The following CNTNAP2 variants were observed in gnomAD, a reference collection of about 807,000 sequenced individuals.
CNTNAP2 encodes the protein contactin associated protein 2.
A neutral mutation model predicts 155.2 loss-of-function variants in CNTNAP2; 98 were observed. That is an observed-to-expected ratio of 0.63 (90% confidence interval 0.54 to 0.75). The LOEUF is 0.75. CNTNAP2 is among the 30% of genes least tolerant of loss of function. The pLI, the probability that CNTNAP2 is intolerant of heterozygous loss-of-function variation, is 0.00. For synonymous variants in CNTNAP2, 651 were observed against 631.2 expected, an observed-to-expected ratio of 1.03 and a Z score of -0.47; for missense variants, 1,727 against 1,688.1, an observed-to-expected ratio of 1.02 and a Z score of -0.40.
chr7:146,775,054 A>C (rs1045019879), intron 2 of CNTNAP2, among the ~76,000 whole-genome samples: 2 of 152,202 alleles, frequency 1.3e-5, no homozygotes, highest in Non-Finnish European at 2.9e-5. Context: ...GGCAACTTAA[A>C]AAGGAAAGAA....
chr7:146,901,870 C>CTTTTT (rs71165048), intron 3 of CNTNAP2, among the ~76,000 whole-genome samples: 91 of 88,210 alleles, frequency 1.0e-3, no homozygotes, highest in Non-Finnish European at 1.2e-3. Flanking sequence ...ATATATGCTC[C>CTTTTT]TTTTTTTTTT....
intron 3 of CNTNAP2, among the ~76,000 whole-genome samples, chr7:147,028,702 TA>T (rs1435047168): frequency 6.6e-6 from 1 of 152,144 alleles, no homozygotes; most frequent in African/African-American, 2.4e-5. Context: ...TGATTATGCA[TA>T]AAGCTACCAG....
chr7:148,206,731 C>G (rs1795456717), intron 18 of CNTNAP2, among the ~76,000 whole-genome samples: 1 of 152,172 alleles, frequency 6.6e-6, no homozygotes, highest in Non-Finnish European at 1.5e-5. Context: ...ATGGTTTTTT[C>G]CAAAAACATA....
intron 1 of CNTNAP2, among the ~76,000 whole-genome samples, chr7:146,631,092 A>G (rs1233518592): frequency 6.6e-6 from 1 of 152,142 alleles, no homozygotes; most frequent in Non-Finnish European, 1.5e-5. Context: ...AAAAGAGCCC[A>G]TGTACCCAAG....
At chr7:146,907,742 C>T (rs1017902056) in intron 3 of CNTNAP2, among the ~76,000 whole-genome samples, 1 of 150,292 alleles carries the variant, frequency 6.7e-6, no homozygotes, top group African/African-American at 2.4e-5. Context: ...ACTGCATCAA[C>T]TAATGAGCAA....
intron 10 of CNTNAP2, among the ~76,000 whole-genome samples, chr7:147,446,619 AC>A (rs1278806704): frequency 6.6e-6 from 1 of 152,214 alleles, no homozygotes; most frequent in Non-Finnish European, 1.5e-5. Flanking sequence ...AAGAGACACA[AC>A]TTTTCCCAAG....
chr7:148,363,514 G>A (rs1043728760), intron 21 of CNTNAP2, among the ~76,000 whole-genome samples: 1 of 152,204 alleles, frequency 6.6e-6, no homozygotes, highest in Admixed American at 6.5e-5. Flanking sequence ...GCTCAAAAAC[G>A]TACGATGGGT....
intron 8 of CNTNAP2, among the ~76,000 whole-genome samples, chr7:147,180,318 T>C (rs2116498079): frequency 6.6e-6 from 1 of 152,310 alleles, no homozygotes; most frequent in African/African-American, 2.4e-5. Context: ...AAAAAGCACA[T>C]GACAGTATGC....
At chr7:146,405,775 T>C (rs1352919269) in intron 1 of CNTNAP2, among the ~76,000 whole-genome samples, 1 of 152,154 alleles carries the variant, frequency 6.6e-6, no homozygotes, top group Non-Finnish European at 1.5e-5. Context: ...ATTTTAACAT[T>C]TAGCTATAAG....
intron 21 of CNTNAP2, among the ~76,000 whole-genome samples, chr7:148,331,746 TGG>T (rs1245381202): frequency 1.3e-5 from 2 of 150,436 alleles, no homozygotes; most frequent in Admixed American, 6.6e-5. Flanking sequence ...AGTGGATGGA[TGG>T]AACGGACGGA....
intron 1 of CNTNAP2, among the ~76,000 whole-genome samples, chr7:146,339,893 G>A (rs1276966818): frequency 4.6e-5 from 7 of 152,066 alleles, no homozygotes. Flanking sequence ...AAATACAGCG[G>A]GGCATGGTGG....
intron 8 of CNTNAP2, among the ~76,000 whole-genome samples, chr7:147,182,592 T>C (rs531843545): frequency 2.0e-4 from 30 of 152,208 alleles, no homozygotes; most frequent in South Asian, 1.2e-3. Context: ...CTCTACTCAT[T>C]GCCTTAGATT....
In CNTNAP2 at chr7:148,076,904, G is replaced by A. The variant is rs116003166; in HGVS notation, c.2384-41214G>A. Among the ~76,000 whole-genome samples the A allele has an allele frequency of 3.9e-3, 590 of 152,288 alleles. 1 individual carries two copies. The highest frequency in any genetic ancestry group is 0.014 in the African/African-American group (567 of 41,536). ...TTTCTTGGCATTCATCTAGCTGTATGGATAAAGTTTTACCAGCACAAACTC... is the reference window on the plus strand; with the variant it reads ...TTTCTTGGCATTCATCTAGCTGTATAGATAAAGTTTTACCAGCACAAACTC... On this transcript the variant is annotated intron_variant, in intron 15 of 23. Transcript: ENST00000361727.
At chr7:147,987,169 C>T (rs538931910) in intron 15 of CNTNAP2, among the ~76,000 whole-genome samples, 1 of 152,232 alleles carries the variant, frequency 6.6e-6, no homozygotes, top group South Asian at 2.1e-4. Context: ...AGGTCAGGTC[C>T]AATTACAAAT....
intron 13 of CNTNAP2, among the ~76,000 whole-genome samples, chr7:147,674,076 G>T (rs976398821): frequency 6.6e-6 from 1 of 152,068 alleles, no homozygotes. Flanking sequence ...TGACCGTGAC[G>T]ATTTACTTTT....
intron 13 of CNTNAP2, among the ~76,000 whole-genome samples, chr7:147,746,399 C>T (rs144428705): frequency 4.5e-4 from 69 of 152,240 alleles, no homozygotes; most frequent in African/African-American, 1.5e-3. Context: ...ACTGAAGGAA[C>T]GAATGAATCA....
At chr7:147,338,977 G>A (rs1795710405) in intron 9 of CNTNAP2, among the ~76,000 whole-genome samples, 1 of 151,836 alleles carries the variant, frequency 6.6e-6, no homozygotes, top group Non-Finnish European at 1.5e-5. Flanking sequence ...ATCATCTTAA[G>A]GTACTTGTAT....
chr7:147,774,780 C>T (rs2116542302), intron 13 of CNTNAP2, among the ~76,000 whole-genome samples: 1 of 152,128 alleles, frequency 6.6e-6, no homozygotes, highest in Non-Finnish European at 1.5e-5. Flanking sequence ...GTTAAGACAC[C>T]CAGGTTGTGG....
intron 13 of CNTNAP2, among the ~76,000 whole-genome samples, chr7:147,660,676 C>G (rs1795595454): frequency 6.6e-6 from 1 of 152,142 alleles, no homozygotes; most frequent in South Asian, 2.1e-4. Flanking sequence ...CTTTAAGGCA[C>G]TAAGCTAACT....
Sources: allele counts gnomAD v4.1 joint callset (sites outside exome capture counted in the v4.1 genomes callset), GRCh38; gene constraint gnomAD v4.1.1; transcripts MANE v1.5; gene names NCBI Gene and HGNC (gene_info 2026-07-23, HGNC 2026-07-21).